Variants in CADPS2 observed in about 807,000 individuals in gnomAD.
The protein encoded by CADPS2 is calcium-dependent secretion activator 2.
A neutral mutation model predicts 172.5 loss-of-function variants in CADPS2; 93 were observed. That is an observed-to-expected ratio of 0.54 (90% confidence interval 0.46 to 0.64). The LOEUF (loss-of-function observed/expected upper bound fraction) is 0.64. Among genes scored for constraint, CADPS2 ranks in the 30% least tolerant of loss-of-function variants. The pLI, the probability that CADPS2 is intolerant of heterozygous loss-of-function variation, is 0.00. For synonymous variants in CADPS2, 546 were observed against 555.2 expected (o/e 0.98, Z 0.23); for missense variants, 1,420 against 1,565.9 (o/e 0.91, Z 1.57).
At chr7:122,516,474 G>C (rs1366839922) in intron 8 of CADPS2, among the ~76,000 whole-genome samples, 1 of 152,050 alleles carries the variant, frequency 6.6e-6, no homozygotes, top group Non-Finnish European at 1.5e-5. Flanking sequence ...GGTTTTGGAG[G>C]CTGCACTGAG....
chr7:122,837,636 G>A (rs1389452688), intron 1 of CADPS2, among the ~76,000 whole-genome samples: 2 of 152,124 alleles, frequency 1.3e-5, no homozygotes, highest in Non-Finnish European at 2.9e-5. Flanking sequence ...TACCATCAGA[G>A]AATACTATAA....
chr7:122,784,818 C>T (rs556600314), intron 1 of CADPS2, among the ~76,000 whole-genome samples: 2 of 152,034 alleles, frequency 1.3e-5, no homozygotes, highest in African/African-American at 2.4e-5. Context: ...GAGTCTAGAC[C>T]TTATTAAGCC....
chr7:122,777,976 T>G (rs1261442101), intron 1 of CADPS2, among the ~76,000 whole-genome samples: 1 of 152,032 alleles, frequency 6.6e-6, no homozygotes, highest in Non-Finnish European at 1.5e-5. Flanking sequence ...GAGGTTGGAA[T>G]AGTTCAGAGG....
chr7:122,572,400 G>C (rs553737963), intron 7 of CADPS2, among the ~76,000 whole-genome samples: 14 of 152,096 alleles, frequency 9.2e-5, no homozygotes, highest in Non-Finnish European at 1.6e-4. Flanking sequence ...AGAGGACTCA[G>C]CATCCTTCTG....
chr7:122,486,974 T>A (rs1040523373), intron 11 of CADPS2, among the ~76,000 whole-genome samples: 1 of 151,810 alleles, frequency 6.6e-6, no homozygotes, highest in Non-Finnish European at 1.5e-5. Flanking sequence ...ATGATGCTAG[T>A]GCATGCTTAA....
intron 14 of CADPS2, among the ~76,000 whole-genome samples, chr7:122,464,146 G>T (rs1348520321): frequency 6.6e-6 from 1 of 152,176 alleles, no homozygotes; most frequent in African/African-American, 2.4e-5. Context: ...TTAGGCTAGA[G>T]TAGGGAAAAT....
chr7:122,327,414 T>C (rs1270671562), intron 28 of CADPS2, among the ~76,000 whole-genome samples: 3 of 152,204 alleles, frequency 2.0e-5, no homozygotes, highest in South Asian at 4.1e-4. Flanking sequence ...AAAATTACAG[T>C]TATTTTGCAA....
chr7:122,416,728 G>A (rs1002675806), intron 17 of CADPS2, among the ~76,000 whole-genome samples: 2 of 152,176 alleles, frequency 1.3e-5, no homozygotes, highest in Non-Finnish European at 2.9e-5. Flanking sequence ...CTTTCCAACT[G>A]AGGGGGTTGT....
At chr7:122,609,070 GT>G (rs1475974167) in intron 6 of CADPS2, among the ~76,000 whole-genome samples, 8 of 151,974 alleles carry the variant, frequency 5.3e-5, no homozygotes, top group Admixed American at 2.0e-4. Context: ...CATGCTAAAT[GT>G]TTTTCCCTAT....
chr7:122,534,879 T>G (rs1358753600), intron 8 of CADPS2, among the ~76,000 whole-genome samples: 4 of 152,120 alleles, frequency 2.6e-5, no homozygotes, highest in Non-Finnish European at 5.9e-5. Flanking sequence ...TATGTGGCAA[T>G]TAGCAGAACC....
intron 19 of CADPS2, chr7:122,409,531 G>A (rs2047050217): frequency 6.2e-6 from 2 of 320,694 alleles, no homozygotes; most frequent in Admixed American, 6.3e-5. Flanking sequence ...AAATTTCATT[G>A]TTTTGCAGAA....
intron 2 of CADPS2, among the ~76,000 whole-genome samples, chr7:122,684,671 TGAG>T (rs1432264956): frequency 6.6e-6 from 1 of 152,116 alleles, no homozygotes; most frequent in African/African-American, 2.4e-5. Context: ...ACCTTTCACT[TGAG>T]AAGATGGGTG....
chr7:122,700,886 G>T (rs1296605077), intron 2 of CADPS2, among the ~76,000 whole-genome samples: 1 of 151,748 alleles, frequency 6.6e-6, no homozygotes, highest in Non-Finnish European at 1.5e-5. Context: ...TAATAATTTA[G>T]AACACTTTTC....
At chr7:122,670,758 C>T (rs566199098) in intron 2 of CADPS2, among the ~76,000 whole-genome samples, 2 of 151,934 alleles carry the variant, frequency 1.3e-5, no homozygotes, top group East Asian at 3.9e-4. Context: ...GCCTCAGCCT[C>T]CCAAAGTGCT....
At chr7:122,598,303 T>C (rs1341544517) in intron 6 of CADPS2, among the ~76,000 whole-genome samples, 3 of 151,856 alleles carry the variant, frequency 2.0e-5, no homozygotes. Context: ...ATACCCCCTA[T>C]GTTTTTTAAA....
chr7:122,577,308 C>G (rs2068178248), intron 7 of CADPS2, among the ~76,000 whole-genome samples: 1 of 152,122 alleles, frequency 6.6e-6, no homozygotes, highest in South Asian at 2.1e-4. Flanking sequence ...AGTTCCTTCA[C>G]TCTAAAAGTC....
At chr7:122,581,703 C>T (rs985829834) in intron 6 of CADPS2, among the ~76,000 whole-genome samples, 1 of 152,016 alleles carries the variant, frequency 6.6e-6, no homozygotes, top group African/African-American at 2.4e-5. Context: ...ATACTAAAGA[C>T]TTTACCCCAC....
At position 122,324,627 on chromosome 7, in the gene CADPS2, G is replaced by T. The variant is rs2033427605; in HGVS notation, c.3717+850C>A. 3.3e-5 allele frequency among the ~76,000 whole-genome samples: 5 copies of T among 151,956 alleles called. No homozygotes were observed. The South Asian group carries it at 1.0e-3, about 31-fold the overall frequency. The stretch of plus-strand genomic sequence containing the variant: ...GTATACTCATATATACACACATTAT[G>T]TGTGTGGGTACATACACACATATAT... On this transcript the variant is annotated intron_variant, in intron 29 of 29. Transcript: ENST00000449022.
intron 1 of CADPS2, among the ~76,000 whole-genome samples, chr7:122,811,209 C>T (rs1799953460): frequency 6.6e-6 from 1 of 152,164 alleles, no homozygotes; most frequent in Admixed American, 6.5e-5. Flanking sequence ...TCTAGTAACA[C>T]CCTGTAAATG....
Sources: gnomAD v4.1 joint callset for allele counts (sites outside exome capture counted in the v4.1 genomes callset) on GRCh38, gnomAD v4.1.1 for gene constraint, MANE v1.5 for transcripts, NCBI Gene and HGNC (gene_info 2026-07-23, HGNC 2026-07-21) for gene names.